The following TRANK1 variants were observed in gnomAD, a reference collection of about 807,000 sequenced individuals.
TRANK1 encodes tetratricopeptide repeat and ankyrin repeat containing 1.
Under a neutral mutation model 266.0 loss-of-function variants are expected in TRANK1, and 198 were observed. The observed-to-expected ratio is 0.74, with a 90% CI of 0.66 to 0.84. The LOEUF (loss-of-function observed/expected upper bound fraction) is 0.84. Among genes scored for constraint, TRANK1 ranks in the 40% least tolerant of loss-of-function variants. TRANK1 has a pLI of 0.00. For synonymous variants in TRANK1, 1,396 were observed against 1,384.1 expected, an observed-to-expected ratio of 1.01 and a Z score of -0.19; for missense variants, 3,326 against 3,634.6, an observed-to-expected ratio of 0.92 and a Z score of 2.18.
In TRANK1 at chr3:36,889,876, G is replaced by A; in HGVS notation, c.860C>T (p.Thr287Ile). ...RINQKDGDGC[T>I]VLHVVAAHSP... ...GTGGGCAGCGACGACGTGCAGGACAGTGCAGCCATCCCCATCCTTCTGGTT... is the reference window on the plus strand; with the variant it reads ...GTGGGCAGCGACGACGTGCAGGACAATGCAGCCATCCCCATCCTTCTGGTT... The change falls in exon 8 of 24, where the codon ACT (threonine) becomes ATT (isoleucine). Residue 287 changes from threonine (T) to isoleucine (I), a missense_variant. Transcript: ENST00000645898. The A allele has an allele frequency of 6.5e-7, 1 of 1,537,286 alleles. No homozygotes were observed. The highest frequency in any genetic ancestry group is 8.7e-7 in the Non-Finnish European group (1 of 1,146,922).
At chr3:36,830,843 G>T in intron 22 of TRANK1, 30 bp downstream of exon 22, 2 of 1,553,114 alleles carry the variant, frequency 1.3e-6, no homozygotes, top group African/African-American at 1.4e-5. Context: ...GTCTCACTCT[G>T]CCTGGGCCCC....
At chr3:36,904,239 A>G (rs1383519999) in intron 2 of TRANK1, among the ~76,000 whole-genome samples, 1 of 151,546 alleles carries the variant, frequency 6.6e-6, no homozygotes, top group East Asian at 2.0e-4. Context: ...CATAATTAAG[A>G]TATTAAATAG....
intron 11 of TRANK1, among the ~76,000 whole-genome samples, chr3:36,859,508 A>C (rs2079105925): frequency 6.6e-6 from 1 of 151,922 alleles, no homozygotes; most frequent in Non-Finnish European, 1.5e-5. Context: ...TATGAGTGAG[A>C]ACATGCCACA....
intron 7 of TRANK1, among the ~76,000 whole-genome samples, chr3:36,891,745 C>T (rs929588668): frequency 6.6e-6 from 1 of 152,254 alleles, no homozygotes; most frequent in Admixed American, 6.5e-5. Context: ...GTATCAGCAA[C>T]AGCTCATGTC....
At chr3:36,914,282 C>A (rs189499865) in intron 1 of TRANK1, among the ~76,000 whole-genome samples, 1 of 151,724 alleles carries the variant, frequency 6.6e-6, no homozygotes, top group Admixed American at 6.6e-5. Flanking sequence ...TACAGGCGCA[C>A]GCCACCATGC....
chr3:36,857,402 G>A lies in TRANK1; in HGVS notation c.2320C>T (p.Pro774Ser), dbSNP rs1388328130. 1 of 1,613,376 alleles carries A rather than the reference G, an allele frequency of 6.2e-7. No individual in the cohort carries two copies. The highest frequency in any genetic ancestry group is 8.5e-7 in the Non-Finnish European group (1 of 1,179,576). Residue 774 changes from proline (P) to serine (S), a missense_variant, in exon 13 of 24, where the codon CCG (proline) becomes TCG (serine). By Grantham distance (74) the Pro-to-Ser change is moderately conservative. Transcript: ENST00000645898. This position sits in a 1 kb window ranked among gnomAD's most constrained non-coding sequence, Gnocchi z 4.3. ...AGKEGKKDDK[P>S]TLGAGAPDCS... The stretch of plus-strand genomic sequence containing the variant: ...TCAGGGGCCCCTGCACCCAGAGTCG[G>A]CTTGTCATCTTTCTTTCCTTCTTTG...
chr3:36,841,995 G>C (rs897581902), intron 18 of TRANK1, among the ~76,000 whole-genome samples: 3 of 152,202 alleles, frequency 2.0e-5, no homozygotes, highest in African/African-American at 7.2e-5. Flanking sequence ...CCCAGCCATG[G>C]TGCCCCACCC....
rs774941449 is a variant in TRANK1, at chr3:36,855,447, C to T, written c.4275G>A (p.Arg1425=). The T allele has an allele frequency of 6.2e-7, 1 of 1,613,936 alleles. No individual in the cohort carries two copies. Among genetic ancestry groups the T allele is most frequent in the Non-Finnish European group, 8.5e-7 (1 of 1,179,868 alleles). The change falls in exon 13 of 24, where the codon AGG becomes AGA. Residue 1425 remains arginine (R), a synonymous_variant. Coordinates refer to ENST00000645898, the MANE Select transcript of TRANK1 (RefSeq NM_001329998.2). ...YNISRRLSKL[R]VLPWSIHELY... ...GCTCGTGGATGGACCATGGGAGCACCCTGAGCTTCGACAGCCTCCGGGATA... is the reference window on the plus strand; with the variant it reads ...GCTCGTGGATGGACCATGGGAGCACTCTGAGCTTCGACAGCCTCCGGGATA...
intron 8 of TRANK1, among the ~76,000 whole-genome samples, chr3:36,886,964 T>G (rs2079616559): frequency 6.8e-6 from 1 of 147,532 alleles, no homozygotes; most frequent in Admixed American, 7.0e-5. Flanking sequence ...TGTTGTGCAG[T>G]GGCGCAATCT....
Position 36,833,302 on chromosome 3 carries a change from A to G in TRANK1, c.6281T>C (p.Leu2094Pro). 1.9e-6 allele frequency: 3 copies of G among 1,614,030 alleles called. No homozygotes were observed. The highest frequency in any genetic ancestry group is 2.5e-6 in the Non-Finnish European group (3 of 1,179,888). The change falls in exon 22 of 24, where the codon CTG becomes CCG. Residue 2094 changes from leucine to proline, a missense_variant. Transcript: ENST00000645898. ...GGTCACTCTTTTGAGAGCCCTGACC[A>G]GACTGAGGAGGATTTCCAAGCCCCC... is the stretch of plus-strand genomic sequence containing the variant. ...APGGLEILLS[L>P]VRALKRVTNN... is the part of the protein sequence containing the mutation.
chr3:36,935,453 T>C (rs1181860113), intron 1 of TRANK1, among the ~76,000 whole-genome samples: 4 of 147,880 alleles, frequency 2.7e-5, no homozygotes, highest in Non-Finnish European at 6.0e-5. Context: ...TTCTTTTTTT[T>C]TTTTTTTTTT....
rs138198488 is a variant in TRANK1 at position 36,900,851 on chromosome 3, C to CAA, written c.283-1594_283-1593dup. On this transcript the variant is annotated intron_variant, in intron 3 of 23. Transcript: ENST00000645898. The stretch of plus-strand genomic sequence containing the variant: ...TGGGTGACAAAGCAAGACCCTGTCT[C>CAA]AAAAAAAAAAAAAAAAAAAAAAAAA... Among the ~76,000 whole-genome samples the CAA allele has an allele frequency of 5.1e-3, 319 of 62,984 alleles. 32 individuals carry two copies. The highest frequency in any genetic ancestry group is 8.8e-3 in the Middle Eastern group (1 of 114). 41.3% of individuals were successfully genotyped at this position (62,984 alleles called of 152,430 possible). A position where few individuals can be genotyped will look rare whatever the true frequency, so the allele number is the denominator to read the frequency against.
At chr3:36,849,466 A>G (rs778206782) in intron 15 of TRANK1, among the ~76,000 whole-genome samples, 1 of 152,222 alleles carries the variant, frequency 6.6e-6, no homozygotes, top group South Asian at 2.1e-4. Flanking sequence ...TCCAGAGAGA[A>G]GAATCACAAA....
chr3:36,848,504 A>G (rs981725772), intron 15 of TRANK1, among the ~76,000 whole-genome samples: 2 of 152,230 alleles, frequency 1.3e-5, no homozygotes, highest in African/African-American at 4.8e-5. Flanking sequence ...TTTTTATAAA[A>G]TGGTGCTACT....
At chr3:36,880,940 G>A (rs1024211964) in intron 8 of TRANK1, among the ~76,000 whole-genome samples, 2 of 135,250 alleles carry the variant, frequency 1.5e-5, no homozygotes, top group Non-Finnish European at 3.1e-5. Flanking sequence ...CCTAATTGGA[G>A]GCCATTTTCT....
intron 1 of TRANK1, among the ~76,000 whole-genome samples, chr3:36,921,113 C>T (rs1348384572): frequency 6.6e-6 from 1 of 152,178 alleles, no homozygotes; most frequent in African/African-American, 2.4e-5. Context: ...CTGTTCTGAC[C>T]TAAGTCACCT....
chr3:36,944,141 A>C (rs1264177347), intron 1 of TRANK1, among the ~76,000 whole-genome samples: 1 of 152,178 alleles, frequency 6.6e-6, no homozygotes, highest in Non-Finnish European at 1.5e-5. Context: ...CCGAGGCAGA[A>C]GCAAGGGCTT....
chr3:36,864,979 C>T (rs2079193242), intron 9 of TRANK1, among the ~76,000 whole-genome samples: 1 of 151,454 alleles, frequency 6.6e-6, no homozygotes, highest in Non-Finnish European at 1.5e-5. Context: ...GGATCAGGAG[C>T]CAAATAAATG....
chr3:36,889,893 C>T lies in TRANK1; in HGVS notation c.843G>A (p.Lys281=), dbSNP rs2125602622. 2 of 1,537,262 alleles carry T rather than the reference C, an allele frequency of 1.3e-6. No individual in the cohort carries two copies. Among genetic ancestry groups the T allele is most frequent in the African/African-American group, 1.4e-5 (1 of 73,160 alleles). The change falls in exon 8 of 24, where the codon AAG becomes AAA. Residue 281 remains lysine (K), a synonymous_variant. Coordinates refer to ENST00000645898, the MANE Select transcript of TRANK1 (RefSeq NM_001329998.2). ...GCAGGACAGTGCAGCCATCCCCATCCTTCTGGTTAATGCGGCCTTTCCACT... is the reference window on the plus strand; with the variant it reads ...GCAGGACAGTGCAGCCATCCCCATCTTTCTGGTTAATGCGGCCTTTCCACT... ...KPEWKGRINQ[K]DGDGCTVLHV... is the part of the protein sequence containing the mutation.
Sources: gnomAD v4.1 joint callset for allele counts (sites outside exome capture counted in the v4.1 genomes callset) on GRCh38, gnomAD v4.1.1 for gene constraint, Gnocchi (gnomAD v3.1) non-coding constraint, MANE v1.5 for transcripts, NCBI Gene and HGNC (gene_info 2026-07-23, HGNC 2026-07-21) for gene names.